C10orf90: variants seen among roughly 807,000 people sequenced by gnomAD.
The protein encoded by C10orf90 is chromosome 10 open reading frame 90.
C10orf90 carries 56 observed loss-of-function variants against 62.5 expected under a neutral mutation model. That is an observed-to-expected ratio of 0.90 (90% CI 0.72 to 1.12). C10orf90 has a LOEUF of 1.12. Ranked by LOEUF, C10orf90 falls within the 50% of genes most tolerant of loss-of-function variation. The pLI is 0.00. For missense variants in C10orf90, 970 were observed against 880.4 expected (o/e 1.10, Z -1.29); for synonymous variants, 386 against 340.4 (o/e 1.13, Z -1.47).
intron 2 of C10orf90, among the ~76,000 whole-genome samples, chr10:126,578,451 A>G (rs1218361733): frequency 6.6e-6 from 1 of 152,180 alleles, no homozygotes; most frequent in Non-Finnish European, 1.5e-5. Flanking sequence ...CACACCCATC[A>G]GGATGGCTAA....
At chr10:126,582,284 C>T (rs887659233) in intron 2 of C10orf90, among the ~76,000 whole-genome samples, 2 of 152,222 alleles carry the variant, frequency 1.3e-5, no homozygotes, top group African/African-American at 4.8e-5. Context: ...GGACTGCATG[C>T]ATCTCCCCTG....
intron 7 of C10orf90, among the ~76,000 whole-genome samples, chr10:126,452,191 A>G (rs567039488): frequency 2.0e-5 from 3 of 152,098 alleles, no homozygotes; most frequent in Non-Finnish European, 4.4e-5. Flanking sequence ...AATATATACG[A>G]CTTTTATTTG....
chr10:126,576,658 T>TG (rs1260487447), intron 2 of C10orf90, among the ~76,000 whole-genome samples: 3,993 of 77,380 alleles, frequency 0.052, 1,179 homozygotes, highest in Middle Eastern at 0.1. Flanking sequence ...AGCCAAGATA[T>TG]GTATACATAT....
rs1346826339 is a variant in C10orf90 at position 126,539,509 on chromosome 10, A to C, written c.314-25570T>G. On this transcript the variant is annotated intron_variant, in intron 2 of 9. Transcript: ENST00000488181. ...GTTAAAATGAGAGGCCATATGAATA[A>C]ATGCATTTTAGTGATTCTTCTATTC... Among the ~76,000 whole-genome samples the C allele has an allele frequency of 3.9e-5, 6 of 152,174 alleles. No homozygotes were observed. The East Asian group carries it at 1.2e-3, about 29-fold the overall frequency.
chr10:126,504,341 T>C lies in C10orf90; in HGVS notation c.1150A>G (p.Arg384Gly), dbSNP rs1383928172. 6.2e-7 allele frequency: 1 copy of C among 1,614,196 alleles called. No individual in the cohort carries two copies. Among genetic ancestry groups the C allele is most frequent in the Non-Finnish European group, 8.5e-7 (1 of 1,180,048 alleles). ...PPQIASPKMHRSVLSLNLNCS... is the reference protein window; with the variant it reads ...PPQIASPKMHGSVLSLNLNCS... ...TTGAGGTTGAGCGACAGGACGGATC[T>C]GTGCATTTTGGGGCTGGCAATTTGA... The change falls in exon 4 of 10, where the codon AGA (arginine) becomes GGA (glycine). Residue 384 changes from arginine to glycine, a missense_variant. Transcript: ENST00000488181. This position sits in a 1 kb window ranked among gnomAD's most constrained non-coding sequence, Gnocchi z 4.1.
At chr10:126,628,213 C>T (rs1240915588) in intron 2 of C10orf90, among the ~76,000 whole-genome samples, 1 of 152,202 alleles carries the variant, frequency 6.6e-6, no homozygotes, top group Non-Finnish European at 1.5e-5. Context: ...AAGGCAGCCT[C>T]TAAAGATTTC....
chr10:126,500,189 C>A (rs12767887), intron 4 of C10orf90, among the ~76,000 whole-genome samples: 1 of 152,164 alleles, frequency 6.6e-6, no homozygotes, highest in Non-Finnish European at 1.5e-5. Flanking sequence ...CAGTATTACT[C>A]CAGATGTTCA....
chr10:126,452,083 A>G (rs1467477637), intron 7 of C10orf90, among the ~76,000 whole-genome samples: 1 of 152,184 alleles, frequency 6.6e-6, no homozygotes, highest in Non-Finnish European at 1.5e-5. Context: ...TACATCTTAA[A>G]TATTCTCACC....
intron 5 of C10orf90, among the ~76,000 whole-genome samples, chr10:126,462,297 G>C (rs2133729776): frequency 6.6e-6 from 1 of 152,018 alleles, no homozygotes; most frequent in Middle Eastern, 3.4e-3. Context: ...TTGCCTCACT[G>C]CACCTTCCCC....
chr10:126,474,492 C>T lies in C10orf90; in HGVS notation c.1535-9506G>A, dbSNP rs983222456. Among the ~76,000 whole-genome samples, 4 of 152,234 alleles carry T rather than the reference C, an allele frequency of 2.6e-5. No homozygotes were observed. In the South Asian group the frequency reaches 6.2e-4, roughly 24 times the overall value. On this transcript the variant is annotated intron_variant, in intron 4 of 9. Coordinates refer to ENST00000488181, the MANE Select transcript of C10orf90 (RefSeq NM_001350921.2). ...TCAACTACTCTCAGAAAAAGGACTACAGAAATTTAAAATAGTGTAAGTACA... is the reference window on the plus strand; with the variant it reads ...TCAACTACTCTCAGAAAAAGGACTATAGAAATTTAAAATAGTGTAAGTACA...
chr10:126,617,878 A>T (rs1449539952), intron 2 of C10orf90, among the ~76,000 whole-genome samples: 1 of 152,212 alleles, frequency 6.6e-6, no homozygotes, highest in Admixed American at 6.5e-5. Flanking sequence ...AGAAAGAGAG[A>T]GGGAGAGATC....
intron 4 of C10orf90, chr10:126,496,547 T>G (rs1862066016): frequency 8.3e-6 from 4 of 481,314 alleles, no homozygotes; most frequent in Non-Finnish European, 1.1e-5. Flanking sequence ...TGATTATTCT[T>G]ACCGAGTTCC....
chr10:126,476,365 T>G (rs1415774172), intron 4 of C10orf90, among the ~76,000 whole-genome samples: 1 of 152,220 alleles, frequency 6.6e-6, no homozygotes, highest in Non-Finnish European at 1.5e-5. Flanking sequence ...TTTGAAGAAC[T>G]ATTTTTGACA....
intron 7 of C10orf90, among the ~76,000 whole-genome samples, chr10:126,433,917 T>C (rs1218617009): frequency 6.6e-6 from 1 of 152,204 alleles, no homozygotes; most frequent in Non-Finnish European, 1.5e-5. Context: ...ACTACAGTTG[T>C]GTTTACCTCG....
intron 2 of C10orf90, among the ~76,000 whole-genome samples, chr10:126,580,467 C>G (rs190668353): frequency 3.3e-5 from 5 of 152,198 alleles, no homozygotes; most frequent in Non-Finnish European, 7.4e-5. Context: ...TCCTGGCTAA[C>G]ATGGTGAAAA....
At chr10:126,612,214 G>A (rs544070338) in intron 2 of C10orf90, among the ~76,000 whole-genome samples, 2 of 152,122 alleles carry the variant, frequency 1.3e-5, no homozygotes, top group Admixed American at 6.5e-5. Context: ...CCAGCTACTC[G>A]GGTGGCTGAG....
chr10:126,579,344 G>A (rs935483168), intron 2 of C10orf90, among the ~76,000 whole-genome samples: 10 of 150,120 alleles, frequency 6.7e-5, no homozygotes, highest in Non-Finnish European at 1.3e-4. Context: ...GGGTTCAGGC[G>A]ATTCTCATGC....
At chr10:126,565,218 T>TTATATTACATAATATGTAATATAATAA (rs1844331361) in intron 2 of C10orf90, among the ~76,000 whole-genome samples, 1 of 29,770 alleles carries the variant, frequency 3.4e-5, no homozygotes, top group Non-Finnish European at 6.7e-5. Context: ...TAATATAATT[T>TTATATTACATAATATGTAATATAATAA]TTATATTACA....
At chr10:126,491,455 TA>T (rs1861769049) in intron 4 of C10orf90, among the ~76,000 whole-genome samples, 1 of 151,928 alleles carries the variant, frequency 6.6e-6, no homozygotes, top group Non-Finnish European at 1.5e-5. Flanking sequence ...ATAGCCAATG[TA>T]AAAGGAAAAA....
Sources: allele counts gnomAD v4.1 joint callset (sites outside exome capture counted in the v4.1 genomes callset), GRCh38; gene constraint gnomAD v4.1.1; non-coding constraint Gnocchi (gnomAD v3.1); transcripts MANE v1.5; gene names NCBI Gene and HGNC (gene_info 2026-07-23, HGNC 2026-07-21).